Variants in ADGRB3 observed in about 807,000 individuals in gnomAD.
The protein encoded by ADGRB3 is adhesion G protein-coupled receptor B3, also known as brain-specific angiogenesis inhibitor 3.
Under a neutral mutation model 193.4 loss-of-function variants are expected in ADGRB3, and 37 were observed. The ratio of observed to expected loss-of-function variants is 0.19; its 90% confidence interval spans 0.15 to 0.25. The LOEUF (loss-of-function observed/expected upper bound fraction) is 0.25, where lower values mean the gene tolerates loss of function less well. ADGRB3 is among the 10% of genes least tolerant of loss of function. The pLI, the probability that ADGRB3 is intolerant of heterozygous loss-of-function variation, is 1.00. For synonymous variants in ADGRB3, 690 were observed against 644.2 expected (o/e 1.07, Z -1.08); for missense variants, 1,637 against 1,852.9 (o/e 0.88, Z 2.14).
intron 17 of ADGRB3, among the ~76,000 whole-genome samples, chr6:69,090,761 G>T (rs767394602): frequency 6.6e-6 from 1 of 152,158 alleles, no homozygotes; most frequent in African/African-American, 2.4e-5. Context: ...TTCAGCAAAA[G>T]AAATAATATC....
At chr6:68,736,497 A>G (rs558563344) in intron 3 of ADGRB3, among the ~76,000 whole-genome samples, 2 of 152,204 alleles carry the variant, frequency 1.3e-5, no homozygotes, top group African/African-American at 4.8e-5. Context: ...AATTAAATGC[A>G]GATATATTAC....
intron 6 of ADGRB3, among the ~76,000 whole-genome samples, chr6:68,949,421 G>T (rs183383038): frequency 6.6e-6 from 1 of 152,288 alleles, no homozygotes; most frequent in East Asian, 1.9e-4. Flanking sequence ...AATCACCTAA[G>T]AGTAGGGCCT....
intron 3 of ADGRB3, among the ~76,000 whole-genome samples, chr6:68,874,968 A>G (rs979160530): frequency 1.2e-4 from 18 of 152,292 alleles, no homozygotes; most frequent in African/African-American, 3.8e-4. Flanking sequence ...TATCCCCTCA[A>G]TGCCTTAATG....
intron 13 of ADGRB3, among the ~76,000 whole-genome samples, chr6:69,043,312 G>GAAAA (rs1308220225): frequency 6.6e-6 from 1 of 150,468 alleles, no homozygotes; most frequent in Non-Finnish European, 1.5e-5. Flanking sequence ...AAGAAAGAAA[G>GAAAA]AAAGAAAGAA....
Position 69,340,594 on chromosome 6 carries a change from G to T in ADGRB3, c.3459+1090G>T, listed in dbSNP as rs1168491699. 2.6e-5 allele frequency among the ~76,000 whole-genome samples: 4 copies of T among 152,022 alleles called. No individual in the cohort carries two copies. In the East Asian group the frequency reaches 7.7e-4, roughly 29 times the overall value. ...TTTTACCTGATTTATCAGATGGGAAGAACAATATTTCTGAGCTATTTTATT... is the reference window on the plus strand; with the variant it reads ...TTTTACCTGATTTATCAGATGGGAATAACAATATTTCTGAGCTATTTTATT... On this transcript the variant is annotated intron_variant, in intron 26 of 31. Transcript: ENST00000370598.
At chr6:69,026,207 G>A (rs867882450) in intron 13 of ADGRB3, among the ~76,000 whole-genome samples, 13 of 152,290 alleles carry the variant, frequency 8.5e-5, no homozygotes, top group East Asian at 1.9e-4. Flanking sequence ...GGTTATAATC[G>A]TTAAAAGAGG....
intron 3 of ADGRB3, among the ~76,000 whole-genome samples, chr6:68,847,520 TAG>T (rs1485619946): frequency 6.6e-6 from 1 of 152,180 alleles, no homozygotes; most frequent in African/African-American, 2.4e-5. Context: ...ATTCTCATGA[TAG>T]TGAATAAGTC....
At chr6:68,673,443 T>C (rs1203480952) in intron 3 of ADGRB3, among the ~76,000 whole-genome samples, 1 of 152,152 alleles carries the variant, frequency 6.6e-6, no homozygotes, top group Non-Finnish European at 1.5e-5. Context: ...CTCAGTGTTA[T>C]CAGTCTCCAT....
At chr6:68,661,511 GTGTGTATACATATATATA>G (rs1561986447) in intron 3 of ADGRB3, among the ~76,000 whole-genome samples, 1 of 64,328 alleles carries the variant, frequency 1.6e-5, no homozygotes. Context: ...ACATATATAT[GTGTGTATACATATATATA>G]TGTGTATACA....
chr6:68,924,551 A>G (rs1767128554), intron 3 of ADGRB3, among the ~76,000 whole-genome samples: 1 of 152,052 alleles, frequency 6.6e-6, no homozygotes, highest in Non-Finnish European at 1.5e-5. Flanking sequence ...ACATAATGTA[A>G]CAACATTGAA....
intron 20 of ADGRB3, among the ~76,000 whole-genome samples, chr6:69,272,238 C>T (rs1451180557): frequency 1.3e-5 from 2 of 152,170 alleles, no homozygotes; most frequent in Non-Finnish European, 2.9e-5. Context: ...CTCTTTCTTT[C>T]ATCCCTTGCC....
intron 30 of ADGRB3, 91 bp from the exon 31 acceptor site, chr6:69,382,740 C>A (rs1353160399): frequency 5.7e-6 from 5 of 877,628 alleles, no homozygotes; most frequent in Admixed American, 3.0e-5. Flanking sequence ...AACTTGATTA[C>A]CCTTATTATT....
chr6:68,895,345 C>T (rs1283820106), intron 3 of ADGRB3, among the ~76,000 whole-genome samples: 6 of 151,500 alleles, frequency 4.0e-5, no homozygotes, highest in Non-Finnish European at 2.9e-5. Flanking sequence ...TTTATTTTTG[C>T]AAGTCTTGAA....
At chr6:68,848,796 G>C (rs994498161) in intron 3 of ADGRB3, among the ~76,000 whole-genome samples, 1 of 151,734 alleles carries the variant, frequency 6.6e-6, no homozygotes, top group African/African-American at 2.4e-5. Flanking sequence ...ATTCTCTCAG[G>C]TACAGTCCTA....
intron 16 of ADGRB3, among the ~76,000 whole-genome samples, chr6:69,069,127 CTTCT>C (rs1771996260): frequency 6.6e-6 from 1 of 152,078 alleles, no homozygotes; most frequent in African/African-American, 2.4e-5. Context: ...GACTTAGCTC[CTTCT>C]AAGTATCATT....
intron 5 of ADGRB3, among the ~76,000 whole-genome samples, chr6:68,943,045 T>C (rs1224916146): frequency 6.6e-6 from 1 of 152,222 alleles, no homozygotes; most frequent in East Asian, 1.9e-4. Context: ...AGAATTGATA[T>C]ATTCATATTT....
chr6:69,050,726 C>T (rs1172617319), intron 15 of ADGRB3, among the ~76,000 whole-genome samples: 1 of 152,128 alleles, frequency 6.6e-6, no homozygotes, highest in Non-Finnish European at 1.5e-5. Context: ...AATCAGGTGA[C>T]TTGTGTTTTC....
chr6:68,988,756 AG>A (rs1769150433), intron 10 of ADGRB3, among the ~76,000 whole-genome samples: 1 of 152,146 alleles, frequency 6.6e-6, no homozygotes, highest in South Asian at 2.1e-4. Flanking sequence ...TCACACAAGC[AG>A]CGATGCCCTT....
intron 3 of ADGRB3, among the ~76,000 whole-genome samples, chr6:68,744,998 T>A (rs971958056): frequency 3.3e-5 from 5 of 152,084 alleles, no homozygotes; most frequent in African/African-American, 1.2e-4. Context: ...ATAAAAAAGA[T>A]GGAAAGTGCC....
Sources: allele counts gnomAD v4.1 joint callset (sites outside exome capture counted in the v4.1 genomes callset), GRCh38; gene constraint gnomAD v4.1.1; transcripts MANE v1.5; gene names NCBI Gene and HGNC (gene_info 2026-07-23, HGNC 2026-07-21).